The following CTNNA3 variants were observed in gnomAD, a reference collection of about 807,000 sequenced individuals.
CTNNA3 encodes the protein catenin alpha-3.
In CTNNA3, 76 loss-of-function variants were observed where a neutral mutation model predicts 95.7. The ratio of observed to expected loss-of-function variants is 0.79; its 90% CI spans 0.66 to 0.96. The LOEUF (loss-of-function observed/expected upper bound fraction) is 0.96, where lower values mean the gene tolerates loss of function less well. Among genes scored for constraint, CTNNA3 ranks in the 40% least tolerant of loss-of-function variants. The probability of loss-of-function intolerance (pLI) is 0.00; values close to 1 mark genes in which losing one functional copy is unlikely to be tolerated. For synonymous variants in CTNNA3, 431 were observed against 374.4 expected (o/e 1.15, Z -1.74); for missense variants, 1,191 against 1,089.8 (o/e 1.09, Z -1.31).
intron 13 of CTNNA3, among the ~76,000 whole-genome samples, chr10:66,144,688 A>G (rs751735230): frequency 2.6e-5 from 4 of 152,184 alleles, no homozygotes; most frequent in African/African-American, 9.6e-5. Flanking sequence ...GGGTTTCTCC[A>G]TGTTGGTCAG....
At chr10:67,386,762 A>C (rs1172890545) in intron 5 of CTNNA3, among the ~76,000 whole-genome samples, 1 of 152,188 alleles carries the variant, frequency 6.6e-6, no homozygotes, top group Non-Finnish European at 1.5e-5. Flanking sequence ...GAGAATGATA[A>C]AGGTAGGAAA....
chr10:66,646,607 T>C (rs923447179), intron 9 of CTNNA3, among the ~76,000 whole-genome samples: 1 of 152,152 alleles, frequency 6.6e-6, no homozygotes, highest in African/African-American at 2.4e-5. Flanking sequence ...TAAGGTATAC[T>C]CTAAATTGCC....
At chr10:67,069,886 T>A (rs1347494751) in intron 7 of CTNNA3, among the ~76,000 whole-genome samples, 2 of 152,194 alleles carry the variant, frequency 1.3e-5, no homozygotes, top group African/African-American at 4.8e-5. Context: ...CTTTTGTACA[T>A]CTTTTGGTTA....
At chr10:67,590,477 C>G (rs183378546) in intron 3 of CTNNA3, among the ~76,000 whole-genome samples, 6 of 152,210 alleles carry the variant, frequency 3.9e-5, no homozygotes, top group Non-Finnish European at 7.4e-5. Context: ...CATACCAAAA[C>G]TGTTTTTCAA....
intron 5 of CTNNA3, among the ~76,000 whole-genome samples, chr10:67,357,150 T>C (rs1027966568): frequency 6.6e-6 from 1 of 152,058 alleles, no homozygotes; most frequent in African/African-American, 2.4e-5. Context: ...CTATCCAAGC[T>C]CTTATCTAAG....
At chr10:66,434,655 T>C (rs1170157815) in intron 11 of CTNNA3, among the ~76,000 whole-genome samples, 2 of 152,170 alleles carry the variant, frequency 1.3e-5, no homozygotes, top group African/African-American at 2.4e-5. Context: ...CTTGCCTGAT[T>C]GCCCTGGCCA....
chr10:67,702,530 G>A (rs1364048393), intron 1 of CTNNA3, among the ~76,000 whole-genome samples: 5 of 152,100 alleles, frequency 3.3e-5, no homozygotes, highest in Non-Finnish European at 2.9e-5. Context: ...ATGACTACTG[G>A]GTACATAACG....
chr10:67,266,073 GA>G (rs1425323383), intron 5 of CTNNA3, among the ~76,000 whole-genome samples: 2 of 151,444 alleles, frequency 1.3e-5, no homozygotes, highest in Admixed American at 6.6e-5. Flanking sequence ...AATAAACAGA[GA>G]AAAAAATTAA....
At chr10:66,957,793 T>C (rs1175659097) in intron 7 of CTNNA3, among the ~76,000 whole-genome samples, 1 of 151,978 alleles carries the variant, frequency 6.6e-6, no homozygotes, top group East Asian at 1.9e-4. Context: ...TGCTGAAAAG[T>C]GTGCTTACAG....
intron 7 of CTNNA3, among the ~76,000 whole-genome samples, chr10:66,966,538 G>C (rs1214617259): frequency 6.6e-6 from 1 of 151,074 alleles, no homozygotes; most frequent in Non-Finnish European, 1.5e-5. Flanking sequence ...AGCTAAAAAT[G>C]AGCTATCAGA....
At chr10:66,190,539 C>G (rs2086613008) in intron 13 of CTNNA3, among the ~76,000 whole-genome samples, 1 of 152,050 alleles carries the variant, frequency 6.6e-6, no homozygotes, top group African/African-American at 2.4e-5. Flanking sequence ...CCTCACAAAC[C>G]ACTACTCAGT....
intron 7 of CTNNA3, among the ~76,000 whole-genome samples, chr10:67,057,514 G>A (rs936749825): frequency 1.3e-5 from 2 of 152,152 alleles, no homozygotes; most frequent in South Asian, 4.1e-4. Context: ...GGACCATGCA[G>A]TAGTTCTCTT....
At chr10:65,931,288 G>A (rs920317166) in intron 17 of CTNNA3, among the ~76,000 whole-genome samples, 3 of 152,140 alleles carry the variant, frequency 2.0e-5, no homozygotes, top group African/African-American at 4.8e-5. Flanking sequence ...TATCTTTCTC[G>A]TAGTCTCATT....
intron 15 of CTNNA3, among the ~76,000 whole-genome samples, chr10:66,061,354 C>T (rs542538759): frequency 2.0e-5 from 3 of 152,200 alleles, no homozygotes; most frequent in South Asian, 4.2e-4. Flanking sequence ...TTTTTTCACA[C>T]TGCTGATACA....
chr10:67,175,725 G>A (rs1457024533), intron 7 of CTNNA3, among the ~76,000 whole-genome samples: 2 of 152,052 alleles, frequency 1.3e-5, no homozygotes, highest in African/African-American at 4.8e-5. Context: ...ATAATTATAT[G>A]TCACCTATCT....
intron 5 of CTNNA3, among the ~76,000 whole-genome samples, chr10:67,482,975 T>C (rs1848296413): frequency 6.6e-6 from 1 of 152,084 alleles, no homozygotes. Flanking sequence ...CAGACACTTC[T>C]CAAAAGAAGA....
At chr10:67,753,368 C>A in intron 1 of CTNNA3, among the ~76,000 whole-genome samples, 1 of 151,746 alleles carries the variant, frequency 6.6e-6, no homozygotes, top group Non-Finnish European at 1.5e-5. Flanking sequence ...CTATAAAAAC[C>A]CTAGAAAAAA....
In CTNNA3 at chr10:67,436,435, C is replaced by A. The variant is rs535078446; in HGVS notation, c.579+85407G>T. 3.3e-5 allele frequency among the ~76,000 whole-genome samples: 5 copies of A among 152,154 alleles called. No homozygotes were observed. In the South Asian group the frequency reaches 1.0e-3, roughly 32 times the overall value. ...AGGCAAGGATTTCATTACCAAGAAC[C>A]CAAAAGCAAATGCAATAAAAACAAA... On this transcript the variant is annotated intron_variant, in intron 5 of 17. Coordinates refer to ENST00000433211, the MANE Select transcript of CTNNA3 (RefSeq NM_013266.4).
chr10:66,291,817 TTATATGTGTGAACACATAAATTATA>T (rs1475301753), intron 12 of CTNNA3, among the ~76,000 whole-genome samples: 1 of 151,530 alleles, frequency 6.6e-6, no homozygotes, highest in African/African-American at 2.4e-5. Flanking sequence ...ACACACCAAA[TTATATGTGTGAACACATAAATTATA>T]TATATGTGTA....
Sources: allele counts gnomAD v4.1 joint callset (sites outside exome capture counted in the v4.1 genomes callset), GRCh38; gene constraint gnomAD v4.1.1; transcripts MANE v1.5; gene names NCBI Gene and HGNC (gene_info 2026-07-23, HGNC 2026-07-21).